SLC9A3: variants seen among roughly 807,000 people sequenced by gnomAD.
The protein encoded by SLC9A3 is sodium/hydrogen exchanger 3.
A neutral mutation model predicts 86.8 loss-of-function variants in SLC9A3; 37 were observed. The ratio of observed to expected loss-of-function variants is 0.43; its 90% CI spans 0.33 to 0.56. The LOEUF is 0.56. Among genes scored for constraint, SLC9A3 ranks in the 20% least tolerant of loss-of-function variants. SLC9A3 has a pLI of 0.06. For synonymous variants in SLC9A3, 581 were observed against 528.3 expected (o/e 1.10, Z -1.37); for missense variants, 1,011 against 1,171.9 (o/e 0.86, Z 2.00).
intron 1 of SLC9A3, 65 bp downstream of exon 1, chr5:524,047 C>T (rs1336647388): frequency 8.6e-7 from 1 of 1,164,016 alleles, no homozygotes; most frequent in Non-Finnish European, 1.2e-6. Context: ...ACAACGAAGC[C>T]CCCAGGCCCA....
At chr5:478,562 G>A (rs944274407) in intron 10 of SLC9A3, 4 of 154,274 alleles carry the variant, frequency 2.6e-5, no homozygotes, top group East Asian at 1.9e-4. Context: ...CTGAGTGGCC[G>A]GGAGGAGCCC....
At chr5:482,223 T>C in intron 7 of SLC9A3, 66 bp from the exon 8 acceptor site, 1 of 1,276,398 alleles carries the variant, frequency 7.8e-7, no homozygotes, top group African/African-American at 1.5e-5. Flanking sequence ...CCCGGCCAGG[T>C]GCACCACACA....
intron 1 of SLC9A3, among the ~76,000 whole-genome samples, chr5:520,564 C>A (rs753123255): frequency 6.6e-6 from 1 of 152,172 alleles, no homozygotes; most frequent in Non-Finnish European, 1.5e-5. Context: ...CTCCCCGGTG[C>A]CATTCTCTGC....
intron 1 of SLC9A3, among the ~76,000 whole-genome samples, chr5:523,334 T>A (rs891892297): frequency 6.6e-6 from 1 of 151,938 alleles, no homozygotes; most frequent in African/African-American, 2.4e-5. Context: ...CCAAAGCTGC[T>A]CTGGAAACCT....
Position 473,274 on chromosome 5 carries a change from T to A in SLC9A3, c.*105A>T. 1 of 1,210,512 alleles carries A rather than the reference T, an allele frequency of 8.3e-7. No individual in the cohort carries two copies. The highest frequency in any genetic ancestry group is 2.4e-5 in the South Asian group (1 of 41,242). 75.0% of individuals were successfully genotyped at this position (1,210,512 alleles called of 1,614,324 possible). A position where few individuals can be genotyped will look rare whatever the true frequency, so the allele number is the denominator to read the frequency against. Reference sequence around the variant, plus strand: ...GGCGGGGCTCGGGGCTCGCGGTCGCTGTAGCCGCGCGGGGATCTGGGGTTT... The same window carrying A: ...GGCGGGGCTCGGGGCTCGCGGTCGCAGTAGCCGCGCGGGGATCTGGGGTTT... On this transcript the variant is annotated 3_prime_UTR_variant, in exon 17 of 17. Coordinates refer to ENST00000264938, the MANE Select transcript of SLC9A3 (RefSeq NM_004174.4).
Position 483,499 on chromosome 5 carries a change from G to A in SLC9A3, c.933-17C>T, listed in dbSNP as rs760278632. 2.5e-5 allele frequency: 38 copies of A among 1,544,320 alleles called. No individual in the cohort carries two copies. The highest frequency in any genetic ancestry group is 8.3e-5 in the South Asian group (7 of 84,336). On this transcript the variant is annotated splice_polypyrimidine_tract_variant and intron_variant, in intron 5 of 16. Transcript: ENST00000264938. ...AAGGTGATGCTGCAGGGACAGACGC[G>A]CCTCAGGACACGGCCACCTGGCCTG...
At chr5:515,156 C>T (rs570974639) in intron 1 of SLC9A3, among the ~76,000 whole-genome samples, 7 of 152,138 alleles carry the variant, frequency 4.6e-5, no homozygotes, top group Admixed American at 2.0e-4. Flanking sequence ...GGAGATTTCT[C>T]GGTCTCCCAC....
intron 3 of SLC9A3, 42 bp from the exon 4 acceptor site, chr5:485,273 G>A: frequency 6.5e-7 from 1 of 1,538,146 alleles, no homozygotes; most frequent in African/African-American, 1.4e-5. Flanking sequence ...TCCTTGGTTA[G>A]TGCCACCCCC....
chr5:478,310 A>T, intron 10 of SLC9A3: 1 of 152,292 alleles, frequency 6.6e-6, no homozygotes, highest in East Asian at 1.9e-4. Context: ...CCACGAAGAC[A>T]GACGTGAGGG....
At chr5:489,374 G>A (rs930737840) in intron 2 of SLC9A3, among the ~76,000 whole-genome samples, 10 of 152,172 alleles carry the variant, frequency 6.6e-5, no homozygotes, top group Admixed American at 1.3e-4. Context: ...CCTCTCTGCT[G>A]GGCTGGAGCG....
At position 484,490 on chromosome 5, in the gene SLC9A3, G is replaced by A. The variant is rs772509870; in HGVS notation, c.932+30C>T. 5.0e-6 allele frequency: 8 copies of A among 1,608,792 alleles called. No homozygotes were observed. In the Admixed American group the frequency reaches 1.2e-4, roughly 24 times the overall value. On this transcript the variant is annotated intron_variant, in intron 5 of 16. Coordinates refer to ENST00000264938, the MANE Select transcript of SLC9A3 (RefSeq NM_004174.4). Reference sequence around the variant, plus strand: ...TGGAGAAGCTCGGGAGGAGGGCGTGGAGAAGCTCGCGTGTGTGGGAGGGAC... The same window carrying A: ...TGGAGAAGCTCGGGAGGAGGGCGTGAAGAAGCTCGCGTGTGTGGGAGGGAC...
At chr5:495,441 C>A (rs1409597086) in intron 1 of SLC9A3, among the ~76,000 whole-genome samples, 5 of 100,282 alleles carry the variant, frequency 5.0e-5, no homozygotes, top group Admixed American at 9.7e-5. Flanking sequence ...ACCCTCCCCA[C>A]GCTCCACTCC....
intron 2 of SLC9A3, among the ~76,000 whole-genome samples, chr5:489,288 G>T (rs867883987): frequency 3.3e-5 from 5 of 152,106 alleles, no homozygotes; most frequent in South Asian, 2.1e-4. Context: ...ACCAGGAGAC[G>T]CCAGGGCCGT....
chr5:485,904 G>T (rs1342518161), intron 3 of SLC9A3, among the ~76,000 whole-genome samples: 1 of 152,196 alleles, frequency 6.6e-6, no homozygotes, highest in Non-Finnish European at 1.5e-5. Context: ...TCTCGGAGCT[G>T]GGCTTTTTAA....
chr5:493,201 G>A (rs1321717144), intron 1 of SLC9A3, among the ~76,000 whole-genome samples: 11 of 152,198 alleles, frequency 7.2e-5, no homozygotes, highest in South Asian at 2.1e-4. Flanking sequence ...TGCGTCCTCC[G>A]GCTTCGGTGA....
chr5:478,319 G>A (rs1289163474), intron 10 of SLC9A3: 2 of 152,312 alleles, frequency 1.3e-5, no homozygotes, highest in East Asian at 3.9e-4. Flanking sequence ...CAGACGTGAG[G>A]GTCAGGGGAG....
In SLC9A3 at chr5:472,676, T is replaced by TA. The variant is rs1168477830; in HGVS notation, c.*702dup. The TA allele has an allele frequency of 5.9e-6, 3 of 505,902 alleles. No individual in the cohort carries two copies. The highest frequency in any genetic ancestry group is 1.2e-5 in the Non-Finnish European group (3 of 259,354). The allele number at this position is 505,902 out of a possible 1,614,324, so 31.3% of individuals were successfully genotyped here. A position where few individuals can be genotyped will look rare whatever the true frequency, so the allele number is the denominator to read the frequency against. On this transcript the variant is annotated 3_prime_UTR_variant, in exon 17 of 17. Transcript: ENST00000264938. Reference sequence around the variant, plus strand: ...CAGACGGAAGACGTTCCTGCCACTTTACCTGCAGTTCAAAGACCTGGCGAG... The same window carrying TA: ...CAGACGGAAGACGTTCCTGCCACTTTAACCTGCAGTTCAAAGACCTGGCGAG...
intron 3 of SLC9A3, among the ~76,000 whole-genome samples, chr5:485,525 T>G (rs1712111858): frequency 6.6e-6 from 1 of 152,260 alleles, no homozygotes; most frequent in African/African-American, 2.4e-5. Context: ...GCCACTTGAA[T>G]TCTGAGTCTC....
intron 3 of SLC9A3, among the ~76,000 whole-genome samples, chr5:486,114 C>T (rs1739449390): frequency 6.6e-6 from 1 of 152,184 alleles, no homozygotes; most frequent in Admixed American, 6.5e-5. Flanking sequence ...CCTAAGGGAA[C>T]ATGAGAGGCT....
Sources: gnomAD v4.1 joint callset for allele counts (sites outside exome capture counted in the v4.1 genomes callset) on GRCh38, gnomAD v4.1.1 for gene constraint, MANE v1.5 for transcripts, NCBI Gene and HGNC (gene_info 2026-07-23, HGNC 2026-07-21) for gene names.